Variants in POU6F2 observed in about 807,000 individuals in gnomAD.
The protein encoded by POU6F2 is POU class 6 homeobox 2.
Under a neutral mutation model 71.3 loss-of-function variants are expected in POU6F2, and 31 were observed. That is an observed-to-expected ratio of 0.43 (90% confidence interval 0.33 to 0.59). The LOEUF is 0.59. Among genes scored for constraint, POU6F2 ranks in the 20% least tolerant of loss-of-function variants. The probability of loss-of-function intolerance (pLI) is 0.04; values close to 1 mark genes in which losing one functional copy is unlikely to be tolerated. For missense variants in POU6F2, 783 were observed against 856.8 expected, an observed-to-expected ratio of 0.91 and a Z score of 1.07; for synonymous variants, 347 against 355.7, an observed-to-expected ratio of 0.98 and a Z score of 0.27.
intron 4 of POU6F2, among the ~76,000 whole-genome samples, chr7:39,292,220 G>A (rs1784772692): frequency 6.6e-6 from 1 of 152,164 alleles, no homozygotes; most frequent in Non-Finnish European, 1.5e-5. Flanking sequence ...TATAAGAGTG[G>A]GGGTGAGTCC....
At chr7:39,004,923 C>A (rs566495549) in intron 1 of POU6F2, 1 of 152,328 alleles carries the variant, frequency 6.6e-6, no homozygotes, top group Admixed American at 6.5e-5. Context: ...TGGCCAGGCT[C>A]TCAGCACATA....
At chr7:39,097,919 G>A (rs1361666313) in intron 2 of POU6F2, among the ~76,000 whole-genome samples, 2 of 152,200 alleles carry the variant, frequency 1.3e-5, no homozygotes, top group South Asian at 2.1e-4. Flanking sequence ...TTCAAGAGTT[G>A]TTTGTTGGTT....
At chr7:39,104,420 A>G (rs1791634547) in intron 2 of POU6F2, among the ~76,000 whole-genome samples, 1 of 152,158 alleles carries the variant, frequency 6.6e-6, no homozygotes, top group Admixed American at 6.5e-5. Flanking sequence ...GAGTCTTGTG[A>G]TTGATCTGCC....
chr7:39,226,920 T>A (rs938504775), intron 4 of POU6F2, among the ~76,000 whole-genome samples: 6 of 152,218 alleles, frequency 3.9e-5, no homozygotes, highest in Non-Finnish European at 7.3e-5. Flanking sequence ...CTATTCTTCT[T>A]CCCTTTACAC....
chr7:39,426,519 A>G (rs2237391), intron 6 of POU6F2, among the ~76,000 whole-genome samples: 44,949 of 151,892 alleles, frequency 0.3, 7,076 homozygotes, highest in East Asian at 0.54. Context: ...GAGAGTAGCT[A>G]GGGTCAATGG....
rs370563763 is a variant in POU6F2, at chr7:39,080,672, T to A, written c.106-5188T>A. 5.4e-4 allele frequency among the ~76,000 whole-genome samples: 82 copies of A among 152,342 alleles called. 1 individual carries two copies. The East Asian group carries it at 0.013, about 24-fold the overall frequency. On this transcript the variant is annotated intron_variant, in intron 1 of 9. Coordinates refer to ENST00000518318, the MANE Select transcript of POU6F2 (RefSeq NM_001370959.1). ...TTGAAGCCTGCCTGTGTTATTTGCA[T>A]TTTCCTCAAAGCTGTTCTGATGGAC...
intron 2 of POU6F2, among the ~76,000 whole-genome samples, chr7:39,088,502 T>A (rs1791301824): frequency 6.6e-6 from 1 of 152,212 alleles, no homozygotes; most frequent in South Asian, 2.1e-4. Context: ...TAGTCCTGAT[T>A]GTACCCTTTA....
At chr7:39,105,493 G>T (rs1382835005) in intron 2 of POU6F2, among the ~76,000 whole-genome samples, 1 of 148,730 alleles carries the variant, frequency 6.7e-6, no homozygotes, top group Non-Finnish European at 1.5e-5. Context: ...TTGAATTCTT[G>T]TAGAAGTTGA....
intron 2 of POU6F2, among the ~76,000 whole-genome samples, chr7:39,159,598 C>T (rs931185861): frequency 6.6e-6 from 1 of 152,158 alleles, no homozygotes; most frequent in African/African-American, 2.4e-5. Flanking sequence ...TGCATACCTA[C>T]TCTGTGCAAA....
chr7:39,090,079 C>T (rs183073415), intron 2 of POU6F2, among the ~76,000 whole-genome samples: 2 of 151,960 alleles, frequency 1.3e-5, no homozygotes, highest in East Asian at 1.9e-4. Flanking sequence ...TTGATTTTCT[C>T]TTCTGATATT....
Position 39,466,853 on chromosome 7 carries a change from C to G in POU6F2, c.*2167C>G. 1 of 152,376 alleles carries G rather than the reference C, an allele frequency of 6.6e-6. No individual in the cohort carries two copies. Among genetic ancestry groups the G allele is most frequent in the Admixed American group, 6.5e-5 (1 of 15,282 alleles). 9.4% of individuals were successfully genotyped at this position (152,376 alleles called of 1,614,324 possible). ...CATCACAGAGCCCCTTTCGCCACCT[C>G]AAAAACTGCACAAACATGGACAACC... On this transcript the variant is annotated 3_prime_UTR_variant, in exon 10 of 10. Coordinates refer to ENST00000518318, the MANE Select transcript of POU6F2 (RefSeq NM_001370959.1).
intron 4 of POU6F2, among the ~76,000 whole-genome samples, chr7:39,286,098 T>G (rs1784645306): frequency 6.6e-6 from 1 of 152,192 alleles, no homozygotes; most frequent in African/African-American, 2.4e-5. Flanking sequence ...TCTTTTAAAC[T>G]TTAGCCCCAG....
intron 6 of POU6F2, among the ~76,000 whole-genome samples, chr7:39,428,155 G>A (rs1237515657): frequency 6.6e-6 from 1 of 152,236 alleles, no homozygotes; most frequent in Non-Finnish European, 1.5e-5. Flanking sequence ...TTGGGCATAA[G>A]TCACTCAAGT....
intron 6 of POU6F2, among the ~76,000 whole-genome samples, chr7:39,428,252 A>G (rs1488708194): frequency 6.6e-6 from 1 of 152,176 alleles, no homozygotes; most frequent in Admixed American, 6.5e-5. Context: ...TATAATATGA[A>G]CTTTATTCCT....
At chr7:39,415,366 A>C in intron 6 of POU6F2, among the ~76,000 whole-genome samples, 1 of 152,160 alleles carries the variant, frequency 6.6e-6, no homozygotes, top group East Asian at 1.9e-4. Context: ...TTTCCTGGGA[A>C]TTGGGAAACG....
At chr7:39,229,401 T>C (rs1251220402) in intron 4 of POU6F2, among the ~76,000 whole-genome samples, 2 of 152,198 alleles carry the variant, frequency 1.3e-5, no homozygotes, top group African/African-American at 4.8e-5. Context: ...ATCAACTGTC[T>C]GGGCCATTCT....
rs528587232 is a variant in POU6F2 at position 39,191,913 on chromosome 7, C to G, written c.278-12322C>G. 3.3e-5 allele frequency among the ~76,000 whole-genome samples: 5 copies of G among 152,196 alleles called. No homozygotes were observed. In the South Asian group the frequency reaches 1.0e-3, roughly 32 times the overall value. ...TGTTTGGCTGGTTGGTTTTTTATAA[C>G]CAACTCTTGGGAAGGAAAAAAGTCT... On this transcript the variant is annotated intron_variant, in intron 2 of 9. Coordinates refer to ENST00000518318, the MANE Select transcript of POU6F2 (RefSeq NM_001370959.1).
intron 1 of POU6F2, among the ~76,000 whole-genome samples, chr7:39,015,700 T>TATATAGATATA (rs765518595): frequency 1.2e-5 from 1 of 84,486 alleles, no homozygotes; most frequent in East Asian, 2.8e-4. Flanking sequence ...CTATATATTA[T>TATATAGATATA]ATATATCTAT....
intron 5 of POU6F2, among the ~76,000 whole-genome samples, chr7:39,380,614 AG>A (rs1786809072): frequency 6.6e-6 from 1 of 152,220 alleles, no homozygotes; most frequent in South Asian, 2.1e-4. Flanking sequence ...TAGCAAAAAA[AG>A]TCACCTCATT....
Sources: gnomAD v4.1 joint callset for allele counts (sites outside exome capture counted in the v4.1 genomes callset) on GRCh38, gnomAD v4.1.1 for gene constraint, MANE v1.5 for transcripts, NCBI Gene and HGNC (gene_info 2026-07-23, HGNC 2026-07-21) for gene names.